The following ANK3 variants were observed in gnomAD, a reference collection of about 807,000 sequenced individuals.
The protein encoded by ANK3 is ankyrin 3, also known as ankyrin-3.
A neutral mutation model predicts 370.9 loss-of-function variants in ANK3; 57 were observed. The observed-to-expected ratio is 0.15, with a 90% CI of 0.12 to 0.19. ANK3 has a LOEUF of 0.19. ANK3 is among the 10% of genes least tolerant of loss of function. The pLI, the probability that ANK3 is intolerant of heterozygous loss-of-function variation, is 1.00. For missense variants in ANK3, 4,439 were observed against 5,302.1 expected (o/e 0.84, Z 5.06); for synonymous variants, 1,929 against 1,946.3 (o/e 0.99, Z 0.23).
chr10:60,225,823 G>C (rs2097130779), intron 8 of ANK3, among the ~76,000 whole-genome samples: 1 of 151,442 alleles, frequency 6.6e-6, no homozygotes, highest in Admixed American at 6.6e-5. Context: ...CTCGTTGCTT[G>C]TCTCCTTTTG....
chr10:60,076,129 C>A lies in ANK3; in HGVS notation c.4752G>T (p.Val1584=), dbSNP rs753831793. The change falls in exon 37 of 44, where the codon GTG becomes GTT. Residue 1584 remains valine (V), a synonymous_variant. Coordinates refer to ENST00000280772, the MANE Select transcript of ANK3 (RefSeq NM_020987.5). Reference sequence around the variant, plus strand: ...GGATATTGTATGGAGATTGTGACACCACAGTTTTTATCGGCGAAGACATTG... The same window carrying A: ...GGATATTGTATGGAGATTGTGACACAACAGTTTTTATCGGCGAAGACATTG... ...FRTMSSPIKT[V]VSQSPYNIQV... 10 of 1,614,182 alleles carry A rather than the reference C, an allele frequency of 6.2e-6. No homozygotes were observed. Among genetic ancestry groups the A allele is most frequent in the Non-Finnish European group, 8.5e-6 (10 of 1,180,012 alleles).
intron 4 of ANK3, among the ~76,000 whole-genome samples, chr10:60,275,829 G>C (rs1171193203): frequency 6.6e-6 from 1 of 152,110 alleles, no homozygotes; most frequent in Non-Finnish European, 1.5e-5. Flanking sequence ...AAATTCAGTT[G>C]GTATTTTATA....
intron 2 of ANK3, among the ~76,000 whole-genome samples, chr10:60,512,409 C>T (rs2076108977): frequency 6.6e-6 from 1 of 151,992 alleles, no homozygotes; most frequent in Admixed American, 6.6e-5. Flanking sequence ...TGAAAAAGCA[C>T]TACTGATTTT....
At chr10:60,494,123 A>T (rs184382353) in intron 2 of ANK3, among the ~76,000 whole-genome samples, 2 of 152,288 alleles carry the variant, frequency 1.3e-5, no homozygotes, top group Admixed American at 1.3e-4. Context: ...TATCAACCAG[A>T]TCCAAAGCCT....
At chr10:60,120,044 A>G (rs1367455108) in intron 25 of ANK3, among the ~76,000 whole-genome samples, 3 of 152,190 alleles carry the variant, frequency 2.0e-5, no homozygotes, top group Admixed American at 6.5e-5. Flanking sequence ...GAAGAATCAC[A>G]TTATCTGACT....
At chr10:60,280,961 C>A (rs1464462995) in intron 1 of ANK3, among the ~76,000 whole-genome samples, 1 of 152,116 alleles carries the variant, frequency 6.6e-6, no homozygotes, top group South Asian at 2.1e-4. Context: ...AATTATGAGC[C>A]CCTTCAGAAT....
At chr10:60,391,908 TTA>T (rs369671831), upstream of ANK3, among the ~76,000 whole-genome samples, 1,278 of 152,354 alleles carry the variant, frequency 8.4e-3, 18 homozygotes, top group African/African-American at 0.027. Flanking sequence ...GGATTTTCCC[TTA>T]TCTCAGTAAG....
intron 2 of ANK3, among the ~76,000 whole-genome samples, chr10:60,453,100 C>T (rs768588930): frequency 6.6e-6 from 1 of 152,208 alleles, no homozygotes; most frequent in Non-Finnish European, 1.5e-5. Flanking sequence ...GTGGAAAGAA[C>T]ACAATCTTTA....
chr10:60,666,662 A>C (rs983174598), intron 1 of ANK3, among the ~76,000 whole-genome samples: 1 of 152,188 alleles, frequency 6.6e-6, no homozygotes, highest in African/African-American at 2.4e-5. Flanking sequence ...AGGTGTGCAT[A>C]TATTACCTAT....
At chr10:60,404,346 T>A (rs2063410722) in intron 2 of ANK3, among the ~76,000 whole-genome samples, 1 of 152,164 alleles carries the variant, frequency 6.6e-6, no homozygotes, top group African/African-American at 2.4e-5. Flanking sequence ...TAAAATTCAC[T>A]ATTACAGAAA....
intron 40 of ANK3, among the ~76,000 whole-genome samples, chr10:60,061,464 T>C (rs2080446885): frequency 6.6e-6 from 1 of 152,204 alleles, no homozygotes. Context: ...TAGAGTTACT[T>C]AACAACTATT....
At chr10:60,297,869 G>A (rs1006832766) in intron 1 of ANK3, among the ~76,000 whole-genome samples, 3 of 151,994 alleles carry the variant, frequency 2.0e-5, no homozygotes, top group Admixed American at 2.0e-4. Context: ...GACAAGTTTT[G>A]TGATTTCTTT....
At chr10:60,554,365 A>C (rs2077160525) in intron 2 of ANK3, among the ~76,000 whole-genome samples, 1 of 152,178 alleles carries the variant, frequency 6.6e-6, no homozygotes, top group Non-Finnish European at 1.5e-5. Context: ...CCATAAACGC[A>C]GGTAAGCACA....
chr10:60,602,899 A>C (rs2078083102), intron 2 of ANK3, among the ~76,000 whole-genome samples: 1 of 152,138 alleles, frequency 6.6e-6, no homozygotes, highest in East Asian at 1.9e-4. Context: ...ATTTTTCAAT[A>C]ATGATTTCAA....
chr10:60,059,323 T>TTTTGAAACAGCCATACCTGTCATCC lies in ANK3; in HGVS notation c.12678_12686+16dup. ...AAGTAACCTGTGTTCACTTTCCTTTTTTTGAAACAGCCATACCTGTCATCC... is the reference window on the plus strand; with the variant it reads ...AAGTAACCTGTGTTCACTTTCCTTTTTTTGAAACAGCCATACCTGTCATCCTTTGAAACAGCCATACCTGTCATCC... On this transcript the variant is annotated intron_variant, in intron 41 of 43. Coordinates refer to ENST00000280772, the MANE Select transcript of ANK3 (RefSeq NM_020987.5). 6.2e-7 allele frequency: 1 copy of TTTTGAAACAGCCATACCTGTCATCC among 1,609,964 alleles called. No individual in the cohort carries two copies. The highest frequency in any genetic ancestry group is 8.5e-7 in the Non-Finnish European group (1 of 1,176,302).
intron 18 of ANK3, among the ~76,000 whole-genome samples, chr10:60,174,611 T>A (rs1056185595): frequency 2.6e-5 from 4 of 152,222 alleles, no homozygotes; most frequent in Admixed American, 1.3e-4. Context: ...GGACCCAATA[T>A]TTTTTAAAAA....
chr10:60,226,500 AG>A (rs2097152446), intron 8 of ANK3, among the ~76,000 whole-genome samples: 1 of 82,784 alleles, frequency 1.2e-5, no homozygotes, highest in Admixed American at 1.4e-4. Flanking sequence ...CATATACTAT[AG>A]TATATATACA....
chr10:60,043,768 C>T (rs2076504673), intron 42 of ANK3: 28 of 985,374 alleles, frequency 2.8e-5, no homozygotes, highest in Non-Finnish European at 3.4e-5. Context: ...TGAAGCACTG[C>T]TCTGAGGTTT....
At chr10:60,682,397 ATT>A (rs11424594) in intron 1 of ANK3, among the ~76,000 whole-genome samples, 1 of 148,324 alleles carries the variant, frequency 6.7e-6, no homozygotes, top group Admixed American at 6.7e-5. Context: ...TCCGAGCCTC[ATT>A]TTTTTTTTTT....
Sources: allele counts gnomAD v4.1 joint callset (sites outside exome capture counted in the v4.1 genomes callset), GRCh38; gene constraint gnomAD v4.1.1; transcripts MANE v1.5; gene names NCBI Gene and HGNC (gene_info 2026-07-23, HGNC 2026-07-21).